TYW1B: variants seen among roughly 807,000 people sequenced by gnomAD.
TYW1B encodes the protein tRNA-yW synthesizing protein 1 homolog B.
In TYW1B, 73 loss-of-function variants were observed where a neutral mutation model predicts 86.9. The ratio of observed to expected loss-of-function variants is 0.84; its 90% CI spans 0.70 to 1.02. The LOEUF (loss-of-function observed/expected upper bound fraction) is 1.02, where lower values mean the gene tolerates loss of function less well. TYW1B is among the 50% of genes least tolerant of loss of function. The pLI is 0.00. For synonymous variants in TYW1B, 248 were observed against 292.8 expected (o/e 0.85, Z 1.56); for missense variants, 637 against 827.4 (o/e 0.77, Z 2.82).
At chr7:72,827,129 C>A in intron 1 of TYW1B, 144 bp from the exon 2 acceptor site, 1 of 1,162,408 alleles carries the variant, frequency 8.6e-7, no homozygotes, top group Non-Finnish European at 1.2e-6. Flanking sequence ...AACTGTTGGC[C>A]GGGCACAGTG....
chr7:72,792,515 T>C (rs1181059747), intron 6 of TYW1B, among the ~76,000 whole-genome samples: 6 of 152,144 alleles, frequency 3.9e-5, no homozygotes, highest in Non-Finnish European at 7.3e-5. Context: ...GAACAAGTAC[T>C]CTCATTTCTC....
At chr7:72,713,242 A>G (rs1340945382) in intron 10 of TYW1B, among the ~76,000 whole-genome samples, 1 of 142,654 alleles carries the variant, frequency 7.0e-6, no homozygotes, top group Non-Finnish European at 1.5e-5. Context: ...CGGAGGTAGC[A>G]GTGAGCCATG....
Position 72,632,386 on chromosome 7 carries a change from A to G in TYW1B, c.1507-3389T>C, listed in dbSNP as rs1406586453. Among the ~76,000 whole-genome samples the G allele has an allele frequency of 3.8e-5, 4 of 105,342 alleles. No homozygotes were observed. The South Asian group carries it at 7.3e-4, about 19-fold the overall frequency. 69.1% of individuals were successfully genotyped at this position (105,342 alleles called of 152,430 possible). ...ATATACGCATATATATTATATATATACGTATATATATATAATATATATATA... is the reference window on the plus strand; with the variant it reads ...ATATACGCATATATATTATATATATGCGTATATATATATAATATATATATA... On this transcript the variant is annotated intron_variant, in intron 11 of 13. Transcript: ENST00000620995.
chr7:72,745,118 G>A (rs1437131818), intron 7 of TYW1B, among the ~76,000 whole-genome samples: 1 of 152,138 alleles, frequency 6.6e-6, no homozygotes, highest in Non-Finnish European at 1.5e-5. Context: ...TCCAACTCCT[G>A]GGTTCAAGCA....
At chr7:72,691,821 A>G (rs1281518510) in intron 11 of TYW1B, among the ~76,000 whole-genome samples, 1 of 152,234 alleles carries the variant, frequency 6.6e-6, no homozygotes, top group Non-Finnish European at 1.5e-5. Flanking sequence ...TAAAACAGCA[A>G]AAGAAACCCA....
At chr7:72,699,387 T>C (rs1403483994) in intron 10 of TYW1B, among the ~76,000 whole-genome samples, 5 of 152,208 alleles carry the variant, frequency 3.3e-5, no homozygotes, top group Non-Finnish European at 7.3e-5. Flanking sequence ...TGAAGTTTTA[T>C]GTAGCCAGTG....
chr7:72,598,136 C>T (rs538902205), intron 13 of TYW1B, among the ~76,000 whole-genome samples: 1 of 152,268 alleles, frequency 6.6e-6, no homozygotes, highest in East Asian at 1.9e-4. Context: ...GGCAGACCCA[C>T]CCTTAATATG....
chr7:72,696,230 G>A (rs1219892470), intron 10 of TYW1B, among the ~76,000 whole-genome samples: 5 of 152,116 alleles, frequency 3.3e-5, no homozygotes, highest in African/African-American at 9.7e-5. Context: ...TTACAGGCGT[G>A]AGCCACTGTG....
At position 72,799,528 on chromosome 7, in the gene TYW1B, C is replaced by G. The variant is rs535708800; in HGVS notation, c.846+2872G>C. 1.8e-3 allele frequency among the ~76,000 whole-genome samples: 272 copies of G among 149,790 alleles called. 1 individual carries two copies. Among genetic ancestry groups the G allele is most frequent in the Non-Finnish European group, 3.0e-3 (200 of 67,536 alleles). On this transcript the variant is annotated intron_variant, in intron 6 of 13. Transcript: ENST00000620995. The stretch of plus-strand genomic sequence containing the variant: ...TCACCCAGGCTGGAGTGCAGTGGCG[C>G]GATCTCGGCTCACTACAAGCTCTGC...
chr7:72,584,751 C>T (rs552657441), intron 13 of TYW1B, among the ~76,000 whole-genome samples: 12 of 152,218 alleles, frequency 7.9e-5, no homozygotes, highest in African/African-American at 2.2e-4. Flanking sequence ...CCACCGCACC[C>T]GGCCTATATT....
intron 13 of TYW1B, among the ~76,000 whole-genome samples, chr7:72,594,189 G>GA (rs1164645614): frequency 6.6e-6 from 1 of 151,362 alleles, no homozygotes; most frequent in Non-Finnish European, 1.5e-5. Flanking sequence ...ATAGAGAATA[G>GA]AAAAAAACAA....
At chr7:72,593,820 T>TAAAAAAAAAA (rs59821679) in intron 13 of TYW1B, among the ~76,000 whole-genome samples, 1 of 43,674 alleles carries the variant, frequency 2.3e-5, no homozygotes, top group African/African-American at 9.4e-5. Flanking sequence ...AGACTCCATC[T>TAAAAAAAAAA]AAAAAAAAAA....
chr7:72,618,465 T>C (rs141860786), intron 12 of TYW1B, among the ~76,000 whole-genome samples: 267 of 152,102 alleles, frequency 1.8e-3, no homozygotes, highest in African/African-American at 6.2e-3. Flanking sequence ...GATCTGCCCA[T>C]CTCGGCCTCC....
intron 8 of TYW1B, among the ~76,000 whole-genome samples, chr7:72,742,641 TA>T (rs1232268188): frequency 8.5e-5 from 13 of 152,186 alleles, no homozygotes; most frequent in Admixed American, 2.0e-4. Flanking sequence ...ATAGTGTTAC[TA>T]ATTCAAAATA....
chr7:72,824,955 T>C (rs1375501675), intron 2 of TYW1B, among the ~76,000 whole-genome samples: 1 of 150,860 alleles, frequency 6.6e-6, no homozygotes, highest in African/African-American at 2.4e-5. Context: ...ATACAAAAAT[T>C]AGCTGGGTAT....
At position 72,828,178 on chromosome 7, in the gene TYW1B, G is replaced by A. The variant is rs1788979740; in HGVS notation, c.-103C>T. The A allele has an allele frequency of 7.0e-6, 11 of 1,573,434 alleles. No homozygotes were observed. The highest frequency in any genetic ancestry group is 8.6e-6 in the Non-Finnish European group (10 of 1,157,758). On this transcript the variant is annotated 5_prime_UTR_variant, in exon 1 of 14. It adds an upstream start codon to the 5' untranslated region. Transcript: ENST00000620995. Reference sequence around the variant, plus strand: ...CGAGCTACCTCGCGGCGTTAGCGCCGTACCGAGTGGCTGCAGAACTGTGGG... The same window carrying A: ...CGAGCTACCTCGCGGCGTTAGCGCCATACCGAGTGGCTGCAGAACTGTGGG...
intron 13 of TYW1B, among the ~76,000 whole-genome samples, chr7:72,590,694 A>C (rs1324440848): frequency 6.6e-6 from 1 of 152,168 alleles, no homozygotes; most frequent in Admixed American, 6.6e-5. Flanking sequence ...AGCAAAACAA[A>C]ACTCCAGAAA....
chr7:72,807,816 T>C (rs1788526271), intron 4 of TYW1B, among the ~76,000 whole-genome samples: 2 of 152,200 alleles, frequency 1.3e-5, no homozygotes. Context: ...CACTGTGATA[T>C]GAAGCAATTA....
intron 7 of TYW1B, among the ~76,000 whole-genome samples, chr7:72,776,557 A>C (rs1175566260): frequency 3.7e-5 from 1 of 27,160 alleles, no homozygotes; most frequent in Non-Finnish European, 8.9e-5. Context: ...ACTCTGTCTC[A>C]AAAAAAAAAA....
Sources: gnomAD v4.1 joint callset for allele counts (sites outside exome capture counted in the v4.1 genomes callset) on GRCh38, gnomAD v4.1.1 for gene constraint, MANE v1.5 for transcripts, NCBI Gene and HGNC (gene_info 2026-07-23, HGNC 2026-07-21) for gene names.